Variants in WFS1 observed in about 807,000 individuals in gnomAD.
The protein encoded by WFS1 is wolframin.
In WFS1, 90 loss-of-function variants were observed where a neutral mutation model predicts 68.5. The observed-to-expected ratio is 1.31, with a 90% CI of 1.11 to 1.56. The LOEUF is 1.56. Among genes scored for constraint, WFS1 ranks in the 40% most tolerant of loss-of-function variants. The probability of loss-of-function intolerance (pLI) is 0.00; values close to 1 mark genes in which losing one functional copy is unlikely to be tolerated. For synonymous variants in WFS1, 860 were observed against 540.7 expected, an observed-to-expected ratio of 1.59 and a Z score of -8.19; for missense variants, 1,767 against 1,232.6, an observed-to-expected ratio of 1.43 and a Z score of -6.49.
At chr4:6,273,146 T>C (rs1022558975) in intron 1 of WFS1, among the ~76,000 whole-genome samples, 1 of 152,108 alleles carries the variant, frequency 6.6e-6, no homozygotes, top group Admixed American at 6.5e-5. Context: ...GAGAACAGAA[T>C]GGGGGTGGCC....
chr4:6,300,160 G>A (rs541475826), intron 7 of WFS1, among the ~76,000 whole-genome samples: 2 of 152,234 alleles, frequency 1.3e-5, no homozygotes, highest in South Asian at 2.1e-4. Flanking sequence ...CCCCTCCGGG[G>A]ACTGCCTGCG....
intron 2 of WFS1, among the ~76,000 whole-genome samples, chr4:6,285,879 A>G (rs910126423): frequency 2.0e-5 from 3 of 152,360 alleles, no homozygotes; most frequent in Admixed American, 6.5e-5. Context: ...TGAAATGGGT[A>G]AGACTGCATG....
chr4:6,301,808 G>A lies in WFS1; in HGVS notation c.2013G>A (p.Ala671=), dbSNP rs147262416. The A allele has an allele frequency of 3.4e-4, 548 of 1,613,178 alleles. 1 individual carries two copies. Among genetic ancestry groups the A allele is most frequent in the Non-Finnish European group, 4.0e-4 (471 of 1,180,032 alleles). Residue 671 remains alanine (A), a synonymous_variant, in exon 8 of 8, where the codon GCG becomes GCA. Coordinates refer to ENST00000226760, the MANE Select transcript of WFS1 (RefSeq NM_006005.3). Reference sequence around the variant, plus strand: ...CACTGACCTGGCAGCAGTATGGTGCGCTGTGCGGGCCACGCGCCTGGAAGG... The same window carrying A: ...CACTGACCTGGCAGCAGTATGGTGCACTGTGCGGGCCACGCGCCTGGAAGG... The part of the protein sequence containing the change: ...NSTLTWQQYG[A]LCGPRAWKET...
chr4:6,284,090 G>T (rs1388328625), intron 2 of WFS1, among the ~76,000 whole-genome samples: 2 of 152,192 alleles, frequency 1.3e-5, no homozygotes, highest in Non-Finnish European at 2.9e-5. Context: ...GAGATTCTGG[G>T]CTGGGCGCAG....
Position 6,291,202 on chromosome 4 carries a change from A to G in WFS1, c.466A>G (p.Thr156Ala). The G allele has an allele frequency of 1.2e-6, 2 of 1,612,310 alleles. No individual in the cohort carries two copies. Among genetic ancestry groups the G allele is most frequent in the Non-Finnish European group, 1.7e-6 (2 of 1,179,990 alleles). Residue 156 changes from threonine to alanine, a missense_variant, in exon 5 of 8, where the codon ACG becomes GCG. Coordinates refer to ENST00000226760, the MANE Select transcript of WFS1 (RefSeq NM_006005.3). Reference protein sequence around the residue: ...RRCLADRRGITSENEREVRQL... With the variant: ...RRCLADRRGIASENEREVRQL... The stretch of plus-strand genomic sequence containing the variant: ...GACCACATCCTATCCCTCAGGCATC[A>G]CGTCCGAGAACGAACGGGAGGTGAG...
At chr4:6,285,852 TG>T (rs574484394) in intron 2 of WFS1, among the ~76,000 whole-genome samples, 26 of 152,360 alleles carry the variant, frequency 1.7e-4, no homozygotes, top group African/African-American at 6.3e-4. Context: ...CCTGTCCCGT[TG>T]TCAGCCAGCC....
chr4:6,280,313 G>A (rs1203699043), intron 2 of WFS1, among the ~76,000 whole-genome samples: 1 of 152,242 alleles, frequency 6.6e-6, no homozygotes, highest in Non-Finnish European at 1.5e-5. Context: ...CCCCAGGGCT[G>A]ATGGGCAGGG....
At chr4:6,275,881 A>G (rs1578584398) in intron 1 of WFS1, among the ~76,000 whole-genome samples, 2 of 152,180 alleles carry the variant, frequency 1.3e-5, no homozygotes, top group Admixed American at 1.3e-4. Context: ...CTGGGTGTTC[A>G]GAGGTGGCCA....
chr4:6,271,670 C>T (rs931186498), intron 1 of WFS1, among the ~76,000 whole-genome samples: 8 of 152,194 alleles, frequency 5.3e-5, no homozygotes, highest in Admixed American at 2.0e-4. Flanking sequence ...TTGGGTCTCT[C>T]CTGGCTCCTG....
rs142170292 is a variant in WFS1 at position 6,299,511 on chromosome 4, G to A, written c.862-1146G>A. ...GTGCACGTGTGTGTAGGGGTGGGTTGCGTGTGTGTGAATGTGTATAGGGGT... is the reference window on the plus strand; with the variant it reads ...GTGCACGTGTGTGTAGGGGTGGGTTACGTGTGTGTGAATGTGTATAGGGGT... On this transcript the variant is annotated intron_variant, in intron 7 of 7. Transcript: ENST00000226760. 3.6e-4 allele frequency among the ~76,000 whole-genome samples: 53 copies of A among 148,898 alleles called. 1 individual carries two copies. The highest frequency in any genetic ancestry group is 7.1e-3 in the Middle Eastern group (2 of 280).
At chr4:6,297,932 C>T (rs1730681242) in intron 7 of WFS1, among the ~76,000 whole-genome samples, 1 of 152,126 alleles carries the variant, frequency 6.6e-6, no homozygotes, top group Admixed American at 6.5e-5. Context: ...CCAGCCCCTC[C>T]ACACTGTCCA....
intron 5 of WFS1, among the ~76,000 whole-genome samples, chr4:6,291,582 G>A (rs182608639): frequency 6.2e-4 from 94 of 152,300 alleles, no homozygotes; most frequent in Non-Finnish European, 1.0e-3. Flanking sequence ...GTGTGTGGGT[G>A]GCATTTTGAC....
In WFS1 at chr4:6,291,178, A is replaced by T. The variant is rs1292188700; in HGVS notation, c.461-19A>T. Reference sequence around the variant, plus strand: ...CTAGGCAGGGCACACAAGGCCTTTGACCACATCCTATCCCTCAGGCATCAC... The same window carrying T: ...CTAGGCAGGGCACACAAGGCCTTTGTCCACATCCTATCCCTCAGGCATCAC... On this transcript the variant is annotated intron_variant, in intron 4 of 7. Coordinates refer to ENST00000226760, the MANE Select transcript of WFS1 (RefSeq NM_006005.3). 6.2e-7 allele frequency: 1 copy of T among 1,611,042 alleles called. No homozygotes were observed. Among genetic ancestry groups the T allele is most frequent in the Non-Finnish European group, 8.5e-7 (1 of 1,179,812 alleles).
Position 6,287,334 on chromosome 4 carries a change from G to A in WFS1, c.315+159G>A. On this transcript the variant is annotated intron_variant, in intron 3 of 7. Coordinates refer to ENST00000226760, the MANE Select transcript of WFS1 (RefSeq NM_006005.3). The surrounding 1 kb of genome is among the most constrained non-coding windows in gnomAD (Gnocchi z 6.4). ...CCCACTTGAGCCCCATGTTGGTAGG[G>A]TGCCCATGTTCACTGTGCCAGTTTT... 1.4e-6 allele frequency: 1 copy of A among 691,182 alleles called. No individual in the cohort carries two copies. Among genetic ancestry groups the A allele is most frequent in the East Asian group, 2.7e-5 (1 of 36,412 alleles). 42.8% of individuals were successfully genotyped at this position (691,182 alleles called of 1,614,324 possible). A position where few individuals can be genotyped will look rare whatever the true frequency, so the allele number is the denominator to read the frequency against.
intron 7 of WFS1, 134 bp from the exon 8 acceptor site, chr4:6,300,523 A>G (rs1254714527): frequency 4.4e-6 from 6 of 1,364,494 alleles, no homozygotes; most frequent in South Asian, 1.3e-5. Context: ...GACCACTAGG[A>G]TGGGGCTGGT....
In WFS1 at chr4:6,292,015, C is replaced by G. The variant is rs569119046; in HGVS notation, c.712+18C>G. 1.0e-5 allele frequency: 16 copies of G among 1,592,114 alleles called. No individual in the cohort carries two copies. The African/African-American group carries it at 1.7e-4, about 17-fold the overall frequency. On this transcript the variant is annotated intron_variant, in intron 6 of 7. Coordinates refer to ENST00000226760, the MANE Select transcript of WFS1 (RefSeq NM_006005.3). ...CAGCGAGTGTGAGTGCAGCCCCTGC[C>G]CCGTCTCACCCATGCCTCCCAGCCT...
rs535021228 is a variant in WFS1 at position 6,302,434 on chromosome 4, A to ACTT, written c.2643_2645dup (p.Phe884dup). 6.2e-7 allele frequency: 1 copy of ACTT among 1,613,142 alleles called. No individual in the cohort carries two copies. The highest frequency in any genetic ancestry group is 1.7e-5 in the Admixed American group (1 of 60,022). ...CATGGCGCCGTGAAGTTCGCCTTCG[A>ACTT]CTTCTTTTTCTTCCCATTCCTGTCG... is the stretch of plus-strand genomic sequence containing the variant. On this transcript the variant is annotated inframe_insertion, in exon 8 of 8. Transcript: ENST00000226760.
chr4:6,290,616 C>G (rs1730433968), intron 4 of WFS1, among the ~76,000 whole-genome samples: 1 of 152,252 alleles, frequency 6.6e-6, no homozygotes, highest in South Asian at 2.1e-4. Flanking sequence ...TGCCAGTCCT[C>G]CTGCCCTCTG....
chr4:6,281,318 T>TG (rs1730162776), intron 2 of WFS1, among the ~76,000 whole-genome samples: 1 of 151,882 alleles, frequency 6.6e-6, no homozygotes, highest in Non-Finnish European at 1.5e-5. Context: ...GGGAGCCCAG[T>TG]GGGGGGCACC....
Sources: gnomAD v4.1 joint callset for allele counts (sites outside exome capture counted in the v4.1 genomes callset) on GRCh38, gnomAD v4.1.1 for gene constraint, Gnocchi (gnomAD v3.1) non-coding constraint, MANE v1.5 for transcripts, NCBI Gene and HGNC (gene_info 2026-07-23, HGNC 2026-07-21) for gene names.